Variants in FSTL1 observed in about 807,000 individuals in gnomAD.
The protein encoded by FSTL1 is follistatin-related protein 1.
Under a neutral mutation model 45.9 loss-of-function variants are expected in FSTL1, and 24 were observed. That is an observed-to-expected ratio of 0.52 (90% CI 0.38 to 0.74). The LOEUF (loss-of-function observed/expected upper bound fraction) is 0.74. FSTL1 is among the 30% of genes least tolerant of loss of function. FSTL1 has a pLI of 0.00. For missense variants in FSTL1, 340 were observed against 381.8 expected (o/e 0.89, Z 0.91); for synonymous variants, 120 against 137.6 (o/e 0.87, Z 0.89).
Position 120,395,653 on chromosome 3 carries a change from T to C in FSTL1, c.*1299A>G. On this transcript the variant is annotated 3_prime_UTR_variant, in exon 11 of 11. Transcript: ENST00000295633. ...TTTTTGGCCATCTGACATTTCTTGTTCTAGTAACAAGATTTCATTTATTCT... is the reference window on the plus strand; with the variant it reads ...TTTTTGGCCATCTGACATTTCTTGTCCTAGTAACAAGATTTCATTTATTCT... The C allele has an allele frequency of 1.9e-6, 1 of 534,148 alleles. No individual in the cohort carries two copies. The highest frequency in any genetic ancestry group is 3.2e-4 in the Middle Eastern group (1 of 3,146). The allele number at this position is 534,148 out of a possible 1,614,324, so 33.1% of individuals were successfully genotyped here.
intron 2 of FSTL1, among the ~76,000 whole-genome samples, chr3:120,426,287 CAT>C (rs1191772108): frequency 6.6e-6 from 1 of 152,212 alleles, no homozygotes; most frequent in Non-Finnish European, 1.5e-5. Flanking sequence ...GTGCCTGCCA[CAT>C]CTGGGCCAAC....
intron 9 of FSTL1, among the ~76,000 whole-genome samples, chr3:120,401,584 A>G (rs1347381877): frequency 7.7e-6 from 1 of 130,296 alleles, no homozygotes; most frequent in Non-Finnish European, 1.7e-5. Flanking sequence ...CTTAAAATAA[A>G]CTTTTTTTTT....
chr3:120,417,257 T>C (rs986831923), intron 2 of FSTL1, among the ~76,000 whole-genome samples: 1 of 152,084 alleles, frequency 6.6e-6, no homozygotes, highest in African/African-American at 2.4e-5. Context: ...ATTCTTATAG[T>C]TGGTGAATGT....
chr3:120,436,081 A>G (rs1937551631), intron 2 of FSTL1, among the ~76,000 whole-genome samples: 1 of 150,598 alleles, frequency 6.6e-6, no homozygotes, highest in Non-Finnish European at 1.5e-5. Context: ...AAAAGTATCT[A>G]AAATAGGACA....
At chr3:120,436,922 G>A (rs554821522) in intron 2 of FSTL1, among the ~76,000 whole-genome samples, 10 of 152,094 alleles carry the variant, frequency 6.6e-5, no homozygotes, top group African/African-American at 1.9e-4. Flanking sequence ...TTGTGAGCTC[G>A]GCTGGGCCAC....
chr3:120,412,377 G>T (rs1455313451), intron 3 of FSTL1, among the ~76,000 whole-genome samples: 1 of 152,226 alleles, frequency 6.6e-6, no homozygotes, highest in Non-Finnish European at 1.5e-5. Flanking sequence ...GTTAAGAAGT[G>T]AATAAAACAG....
intron 2 of FSTL1, among the ~76,000 whole-genome samples, chr3:120,422,332 T>G (rs1937292345): frequency 6.6e-6 from 1 of 152,148 alleles, no homozygotes; most frequent in Non-Finnish European, 1.5e-5. Context: ...ATAAATTAAA[T>G]TTTCTCAACA....
In FSTL1 at chr3:120,396,538, G is replaced by A. The variant is rs11708686; in HGVS notation, c.*414C>T. On this transcript the variant is annotated 3_prime_UTR_variant, in exon 11 of 11. Coordinates refer to ENST00000295633, the MANE Select transcript of FSTL1 (RefSeq NM_007085.5). ...AATGGAAAGAGGCTGGAAGCAGAGA[G>A]CGTTCCTCTCCGTGGAGCTTCCCAA... 0.2 allele frequency: 32,851 copies of A among 163,126 alleles called. 4,537 individuals carry two copies. The highest frequency in any genetic ancestry group is 0.61 in the East Asian group (3,296 of 5,416). 10.1% of individuals were successfully genotyped at this position (163,126 alleles called of 1,614,324 possible).
In FSTL1 at chr3:120,394,461, A is replaced by G. The variant is rs1214657055; in HGVS notation, c.*2491T>C. The G allele has an allele frequency of 6.6e-6, 1 of 152,262 alleles. No homozygotes were observed. Among genetic ancestry groups the G allele is most frequent in the Non-Finnish European group, 1.5e-5 (1 of 68,042 alleles). The allele number at this position is 152,262 out of a possible 1,614,324, so 9.4% of individuals were successfully genotyped here. On this transcript the variant is annotated 3_prime_UTR_variant, in exon 11 of 11. Transcript: ENST00000295633. ...CTACTTAAAAACATAGGTGTAAAGGAAAGACATTCAGACTGGTCCACGTGG... is the reference window on the plus strand; with the variant it reads ...CTACTTAAAAACATAGGTGTAAAGGGAAGACATTCAGACTGGTCCACGTGG...
At chr3:120,414,298 G>A (rs1937141829) in intron 3 of FSTL1, among the ~76,000 whole-genome samples, 2 of 152,052 alleles carry the variant, frequency 1.3e-5, no homozygotes, top group South Asian at 4.2e-4. Flanking sequence ...AACGTGAGAA[G>A]CGTCTCTGCC....
intron 1 of FSTL1, 48 bp from the exon 2 acceptor site, chr3:120,450,794 T>C (rs1147708): frequency 0.94 from 1,348,726 of 1,430,964 alleles, 639,348 homozygotes; most frequent in Non-Finnish European, 0.97. Context: ...GGCCCCGCGC[T>C]GACCTGGGAA....
In FSTL1 at chr3:120,409,708, C is replaced by A. The variant is rs1312512006; in HGVS notation, c.332-46G>T. ...TCAGCTGGAGCAGTCAGGGGAGGAC[C>A]CCAGTGATATCTGGCACCCACTGTG... On this transcript the variant is annotated intron_variant, in intron 5 of 10. Transcript: ENST00000295633. The A allele has an allele frequency of 1.9e-6, 3 of 1,602,064 alleles. No homozygotes were observed. The Admixed American group carries it at 5.0e-5, about 27-fold the overall frequency.
At chr3:120,402,617 G>T (rs1482606290) in intron 9 of FSTL1, among the ~76,000 whole-genome samples, 191 bp downstream of exon 9, 2 of 152,070 alleles carry the variant, frequency 1.3e-5, no homozygotes, top group Admixed American at 1.3e-4. Flanking sequence ...CAAACTGAAT[G>T]CCTATGGGAT....
intron 6 of FSTL1, 61 bp downstream of exon 6, chr3:120,409,471 T>A: frequency 6.8e-7 from 1 of 1,477,618 alleles, no homozygotes; most frequent in Non-Finnish European, 9.4e-7. Context: ...GATCGGGCAA[T>A]GGGAGGAGGA....
At chr3:120,397,975 CATT>C in intron 10 of FSTL1, among the ~76,000 whole-genome samples, 1 of 152,266 alleles carries the variant, frequency 6.6e-6, no homozygotes, top group South Asian at 2.1e-4. Context: ...ACCTTGAAAA[CATT>C]ATGCTAAGTC....
In FSTL1 at chr3:120,409,769, T is replaced by A. The variant is rs368065265; in HGVS notation, c.332-107A>T. 18 of 973,156 alleles carry A rather than the reference T, an allele frequency of 1.8e-5. No individual in the cohort carries two copies. The East Asian group carries it at 2.2e-4, about 12-fold the overall frequency. The allele number at this position is 973,156 out of a possible 1,614,324, so 60.3% of individuals were successfully genotyped here. A position where few individuals can be genotyped will look rare whatever the true frequency, so the allele number is the denominator to read the frequency against. ...CGTGCCCATGGTTCTGCATATGTCATCCCAGCAACACAGGGAGATAGGATT... is the reference window on the plus strand; with the variant it reads ...CGTGCCCATGGTTCTGCATATGTCAACCCAGCAACACAGGGAGATAGGATT... On this transcript the variant is annotated intron_variant, in intron 5 of 10. Transcript: ENST00000295633.
intron 2 of FSTL1, among the ~76,000 whole-genome samples, chr3:120,428,545 C>T (rs1937423465): frequency 6.6e-6 from 1 of 152,120 alleles, no homozygotes; most frequent in African/African-American, 2.4e-5. Context: ...CCAGCCTGGC[C>T]AACATGGTGA....
intron 6 of FSTL1, among the ~76,000 whole-genome samples, chr3:120,407,282 G>A (rs982473613): frequency 3.3e-5 from 5 of 152,328 alleles, no homozygotes; most frequent in African/African-American, 1.2e-4. Context: ...CACAGCAGCT[G>A]GGGCTGTGTG....
chr3:120,430,087 C>T (rs930932411), intron 2 of FSTL1, among the ~76,000 whole-genome samples: 12 of 152,260 alleles, frequency 7.9e-5, no homozygotes, highest in Admixed American at 7.2e-4. Context: ...CCCAGAGCAC[C>T]AGCAGAAATG....
Sources: allele counts gnomAD v4.1 joint callset (sites outside exome capture counted in the v4.1 genomes callset), GRCh38; gene constraint gnomAD v4.1.1; transcripts MANE v1.5; gene names NCBI Gene and HGNC (gene_info 2026-07-23, HGNC 2026-07-21).